The following EPB41L3 variants were observed in gnomAD, a reference collection of about 807,000 sequenced individuals.
EPB41L3 encodes the protein erythrocyte membrane protein band 4.1 like 3, also known as band 4.1-like protein 3.
Under a neutral mutation model 127.1 loss-of-function variants are expected in EPB41L3, and 57 were observed. That is an observed-to-expected ratio of 0.45 (90% CI 0.36 to 0.56). EPB41L3 has a LOEUF of 0.56. Among genes scored for constraint, EPB41L3 ranks in the 20% least tolerant of loss-of-function variants. The probability of loss-of-function intolerance (pLI) is 0.00; values close to 1 mark genes in which losing one functional copy is unlikely to be tolerated. For missense variants in EPB41L3, 1,273 were observed against 1,372.2 expected, an observed-to-expected ratio of 0.93 and a Z score of 1.14; for synonymous variants, 572 against 549.5, an observed-to-expected ratio of 1.04 and a Z score of -0.57.
At chr18:5,412,283 C>T (rs544713291) in intron 13 of EPB41L3, among the ~76,000 whole-genome samples, 18 of 152,160 alleles carry the variant, frequency 1.2e-4, no homozygotes, top group South Asian at 2.1e-4. Flanking sequence ...CTGCAACCTC[C>T]GCCTCCTGGG....
intron 3 of EPB41L3, among the ~76,000 whole-genome samples, chr18:5,594,880 A>T (rs1369648039): frequency 6.6e-6 from 1 of 152,258 alleles, no homozygotes; most frequent in Non-Finnish European, 1.5e-5. Context: ...AAATTGTAAT[A>T]GGAAACATAC....
At chr18:5,585,700 T>C (rs1010939153) in intron 3 of EPB41L3, among the ~76,000 whole-genome samples, 3 of 152,234 alleles carry the variant, frequency 2.0e-5, no homozygotes, top group African/African-American at 4.8e-5. Context: ...TGCTAGGCAC[T>C]GTGCTATGGA....
intron 3 of EPB41L3, among the ~76,000 whole-genome samples, chr18:5,449,916 T>C (rs1466141607): frequency 2.6e-5 from 4 of 152,224 alleles, no homozygotes; most frequent in Admixed American, 1.3e-4. Context: ...CAATAAGTGA[T>C]AGTAAGATAG....
chr18:5,470,954 G>T (rs1289878114), intron 3 of EPB41L3, among the ~76,000 whole-genome samples: 1 of 152,172 alleles, frequency 6.6e-6, no homozygotes, highest in South Asian at 2.1e-4. Flanking sequence ...AATAAGGAAT[G>T]CCTTGGACTA....
chr18:5,614,631 C>G (rs1031455586), intron 1 of EPB41L3, among the ~76,000 whole-genome samples: 1 of 151,988 alleles, frequency 6.6e-6, no homozygotes, highest in Non-Finnish European at 1.5e-5. Context: ...TTGTTGCAAA[C>G]TTTATCCATT....
chr18:5,525,410 T>C (rs75662755), intron 1 of EPB41L3, among the ~76,000 whole-genome samples: 2,459 of 152,294 alleles, frequency 0.016, 57 homozygotes, highest in African/African-American at 0.055. Flanking sequence ...ACAATTCCCA[T>C]TTTCTATATG....
chr18:5,436,466 T>C (rs1233625615), intron 6 of EPB41L3, among the ~76,000 whole-genome samples: 3 of 143,514 alleles, frequency 2.1e-5, no homozygotes, highest in Non-Finnish European at 4.5e-5. Flanking sequence ...TGGAGTGCAG[T>C]GGCGCGATCT....
At chr18:5,546,693 T>G (rs935632802), upstream of EPB41L3, among the ~76,000 whole-genome samples, 8 of 152,162 alleles carry the variant, frequency 5.3e-5, no homozygotes, top group African/African-American at 1.7e-4. Flanking sequence ...CTCTATTATT[T>G]TTTTCCCCCT....
chr18:5,467,393 A>C (rs2085190881), intron 3 of EPB41L3: 1 of 152,096 alleles, frequency 6.6e-6, no homozygotes, highest in African/African-American at 2.4e-5. Context: ...CACTGACTAA[A>C]CCTGTTTCTC....
rs1329653834 is a variant in EPB41L3 at position 5,502,073 on chromosome 18, G to A, written c.-11-12879C>T. 2.0e-5 allele frequency among the ~76,000 whole-genome samples: 3 copies of A among 151,526 alleles called. No homozygotes were observed. In the East Asian group the frequency reaches 5.8e-4, roughly 30 times the overall value. ...CCTGCCTCCTGCCTCCTGCCTCTGA[G>A]GTGGCTCAGCAGATAAAAGGACGGC... On this transcript the variant is annotated intron_variant, in intron 1 of 22. Transcript: ENST00000341928.
In EPB41L3 at chr18:5,396,325, G is replaced by A. The variant is rs61735459; in HGVS notation, c.2849C>T (p.Thr950Met). Reference protein sequence around the residue: ...LEQKPHFESSTVKTETISFGS... With the variant: ...LEQKPHFESSMVKTETISFGS... ...AAAACTGATGGTTTCCGTCTTCACC[G>A]TTGAGGACTGTGCCAAAGGGGAGTA... Residue 950 changes from threonine (T) to methionine (M), a missense_variant, in exon 19 of 23, where the codon ACG becomes ATG. By Grantham distance (81) the Thr-to-Met change is moderately conservative. Transcript: ENST00000341928. The A allele has an allele frequency of 1.4e-5, 22 of 1,614,000 alleles. No individual in the cohort carries two copies. Among genetic ancestry groups the A allele is most frequent in the Admixed American group, 6.7e-5 (4 of 59,994 alleles).
intron 3 of EPB41L3, among the ~76,000 whole-genome samples, chr18:5,461,064 C>T (rs2083916239): frequency 6.6e-6 from 1 of 152,080 alleles, no homozygotes; most frequent in Non-Finnish European, 1.5e-5. Context: ...TTGCAGTCAT[C>T]ATACTATTAA....
intron 12 of EPB41L3, among the ~76,000 whole-genome samples, chr18:5,418,343 G>T (rs1036468861): frequency 6.6e-6 from 1 of 152,160 alleles, no homozygotes; most frequent in African/African-American, 2.4e-5. Flanking sequence ...AGCAAATAAA[G>T]TGAAAATGTC....
At chr18:5,470,913 A>G (rs2086018404) in intron 3 of EPB41L3, among the ~76,000 whole-genome samples, 3 of 152,212 alleles carry the variant, frequency 2.0e-5, no homozygotes, top group South Asian at 2.1e-4. Context: ...GAAGTCTACC[A>G]TGCTGGAAAG....
upstream of EPB41L3, among the ~76,000 whole-genome samples, chr18:5,629,415 CCACACACACA>C (rs61034629): frequency 1.4e-3 from 206 of 143,838 alleles, no homozygotes; most frequent in African/African-American, 4.9e-3. Flanking sequence ...TCCTTACACA[CCACACACACA>C]CACACACACA....
At chr18:5,588,668 T>C (rs1159347024) in intron 3 of EPB41L3, among the ~76,000 whole-genome samples, 5 of 152,056 alleles carry the variant, frequency 3.3e-5, no homozygotes, top group Non-Finnish European at 7.4e-5. Context: ...AGGTGAAGTA[T>C]ATTGCCCAAG....
Position 5,424,124 on chromosome 18 carries a change from T to C in EPB41L3, c.1163+138A>G, listed in dbSNP as rs372102324. ...TAGTCTTTTTCTAGTTCTCTTAGGATTTCTTATCAAGAAATATGGTGACAA... is the reference window on the plus strand; with the variant it reads ...TAGTCTTTTTCTAGTTCTCTTAGGACTTCTTATCAAGAAATATGGTGACAA... On this transcript the variant is annotated intron_variant, in intron 10 of 22. Transcript: ENST00000341928. 138 of 628,394 alleles carry C rather than the reference T, an allele frequency of 2.2e-4. No homozygotes were observed. In the South Asian group the frequency reaches 5.4e-3, roughly 24 times the overall value. 38.9% of individuals were successfully genotyped at this position (628,394 alleles called of 1,614,324 possible).
chr18:5,456,037 C>CA (rs919876839), intron 3 of EPB41L3, among the ~76,000 whole-genome samples: 8 of 151,792 alleles, frequency 5.3e-5, no homozygotes, highest in South Asian at 4.2e-4. Flanking sequence ...TAAGAATTCT[C>CA]AAAAAAACCC....
At chr18:5,444,596 A>G (rs1038763749) in intron 4 of EPB41L3, among the ~76,000 whole-genome samples, 3 of 152,224 alleles carry the variant, frequency 2.0e-5, no homozygotes, top group Non-Finnish European at 2.9e-5. Context: ...AACATAAAAC[A>G]TCTACTAAAC....
Sources: allele counts gnomAD v4.1 joint callset (sites outside exome capture counted in the v4.1 genomes callset), GRCh38; gene constraint gnomAD v4.1.1; transcripts MANE v1.5; gene names NCBI Gene and HGNC (gene_info 2026-07-23, HGNC 2026-07-21).